Variants in CLSTN2 observed in about 807,000 individuals in gnomAD.
The protein encoded by CLSTN2 is calsyntenin 2.
Under a neutral mutation model 101.2 loss-of-function variants are expected in CLSTN2, and 48 were observed. The observed-to-expected ratio is 0.47, with a 90% confidence interval of 0.38 to 0.60. The LOEUF (loss-of-function observed/expected upper bound fraction) is 0.60, where lower values mean the gene tolerates loss of function less well. CLSTN2 is among the 20% of genes least tolerant of loss of function. The pLI is 0.00. For missense variants in CLSTN2, 1,160 were observed against 1,238.2 expected, an observed-to-expected ratio of 0.94 and a Z score of 0.95; for synonymous variants, 481 against 463.6, an observed-to-expected ratio of 1.04 and a Z score of -0.48.
At chr3:140,467,922 A>T (rs1933746450) in intron 8 of CLSTN2, among the ~76,000 whole-genome samples, 1 of 152,224 alleles carries the variant, frequency 6.6e-6, no homozygotes, top group South Asian at 2.1e-4. Context: ...TGTTCTCTAA[A>T]ACAAAGATTC....
chr3:140,528,706 T>C (rs1935194140), intron 8 of CLSTN2, among the ~76,000 whole-genome samples: 1 of 152,038 alleles, frequency 6.6e-6, no homozygotes, highest in Non-Finnish European at 1.5e-5. Context: ...TTACTTGCCA[T>C]CTATTCCTAA....
At chr3:140,214,361 G>A (rs1408414669) in intron 2 of CLSTN2, among the ~76,000 whole-genome samples, 1 of 151,982 alleles carries the variant, frequency 6.6e-6, no homozygotes, top group African/African-American at 2.4e-5. Flanking sequence ...GGCTGGGGCA[G>A]GAAAATCGCT....
chr3:140,143,370 A>G (rs1024493879), intron 1 of CLSTN2, among the ~76,000 whole-genome samples: 2 of 152,206 alleles, frequency 1.3e-5, no homozygotes, highest in African/African-American at 4.8e-5. Flanking sequence ...GTCTAAGGGC[A>G]GGAGAAGATG....
chr3:140,511,659 C>T (rs538090675), intron 8 of CLSTN2, among the ~76,000 whole-genome samples: 1 of 149,836 alleles, frequency 6.7e-6, no homozygotes, highest in East Asian at 2.0e-4. Context: ...ACGCAATTCT[C>T]CTGCCTCAGC....
At chr3:140,117,157 C>T (rs369480811) in intron 1 of CLSTN2, among the ~76,000 whole-genome samples, 1 of 152,152 alleles carries the variant, frequency 6.6e-6, no homozygotes, top group African/African-American at 2.4e-5. Context: ...TCCTCCTTCC[C>T]TCAGGGCAGT....
At chr3:140,431,192 A>G (rs751730314) in intron 5 of CLSTN2, among the ~76,000 whole-genome samples, 2 of 152,208 alleles carry the variant, frequency 1.3e-5, no homozygotes, top group Non-Finnish European at 2.9e-5. Flanking sequence ...TGATTGAACC[A>G]GGTATAGGGA....
At chr3:140,462,691 A>C (rs1559876856) in intron 7 of CLSTN2, 1 of 152,148 alleles carries the variant, frequency 6.6e-6, no homozygotes. Flanking sequence ...AAAACATCTC[A>C]GTAGGTAACA....
chr3:140,438,861 G>A (rs1258877580), intron 5 of CLSTN2, among the ~76,000 whole-genome samples: 1 of 152,164 alleles, frequency 6.6e-6, no homozygotes, highest in African/African-American at 2.4e-5. Context: ...TTCTGTTTGG[G>A]AGCTGAGAAG....
chr3:140,543,446 T>G (rs1008501065), intron 9 of CLSTN2, among the ~76,000 whole-genome samples: 1 of 152,208 alleles, frequency 6.6e-6, no homozygotes, highest in Non-Finnish European at 1.5e-5. Flanking sequence ...ACTGAGCACC[T>G]CAAAAGAAAC....
At chr3:140,260,423 C>T (rs1322326184) in intron 2 of CLSTN2, among the ~76,000 whole-genome samples, 1 of 151,632 alleles carries the variant, frequency 6.6e-6, no homozygotes, top group Admixed American at 6.6e-5. Flanking sequence ...TTCTAACAGC[C>T]CAACTGCTCC....
At position 140,241,603 on chromosome 3, in the gene CLSTN2, A is replaced by G. The variant is rs1207249969; in HGVS notation, c.232+65530A>G. Reference sequence around the variant, plus strand: ...GCACAAGTGACTTGACTATGTATTCATTTATTCATTCATTTAACACATTTT... The same window carrying G: ...GCACAAGTGACTTGACTATGTATTCGTTTATTCATTCATTTAACACATTTT... On this transcript the variant is annotated intron_variant, in intron 2 of 16. Coordinates refer to ENST00000458420, the MANE Select transcript of CLSTN2 (RefSeq NM_022131.3). Among the ~76,000 whole-genome samples the G allele has an allele frequency of 3.9e-5, 6 of 152,046 alleles. No individual in the cohort carries two copies. In the South Asian group the frequency reaches 1.0e-3, roughly 26 times the overall value.
At chr3:140,182,438 G>A (rs1287771098) in intron 2 of CLSTN2, among the ~76,000 whole-genome samples, 1 of 152,174 alleles carries the variant, frequency 6.6e-6, no homozygotes, top group African/African-American at 2.4e-5. Flanking sequence ...AGCGCCTTCA[G>A]GATCATGGGC....
At chr3:140,310,692 T>C (rs1205399253) in intron 2 of CLSTN2, among the ~76,000 whole-genome samples, 4 of 152,178 alleles carry the variant, frequency 2.6e-5, no homozygotes, top group African/African-American at 9.7e-5. Context: ...TCTAATTCAC[T>C]CCACTCTCCT....
intron 1 of CLSTN2, among the ~76,000 whole-genome samples, chr3:140,134,408 A>C (rs2882369): frequency 0.74 from 113,058 of 151,936 alleles, 43,990 homozygotes; most frequent in East Asian, 0.92. Context: ...TCCTCTCTAC[A>C]CATTAGGACT....
At chr3:140,240,293 CATATATATAT>C (rs1175836591) in intron 2 of CLSTN2, among the ~76,000 whole-genome samples, 16 of 11,340 alleles carry the variant, frequency 1.4e-3, no homozygotes, top group Non-Finnish European at 1.8e-3. Flanking sequence ...CATATATACA[CATATATATAT>C]ATACACACAC....
chr3:140,479,990 C>T (rs1034537338), intron 8 of CLSTN2, among the ~76,000 whole-genome samples: 4 of 151,846 alleles, frequency 2.6e-5, no homozygotes, highest in East Asian at 1.9e-4. Flanking sequence ...TTAGGGTACA[C>T]GTGCACAACG....
chr3:140,549,607 G>C (rs1935669119), intron 10 of CLSTN2, among the ~76,000 whole-genome samples: 1 of 150,528 alleles, frequency 6.6e-6, no homozygotes. Flanking sequence ...TAAGGGGACT[G>C]GGGCTCAGGG....
At chr3:140,252,385 C>T (rs905582983) in intron 2 of CLSTN2, among the ~76,000 whole-genome samples, 3 of 152,166 alleles carry the variant, frequency 2.0e-5, no homozygotes, top group African/African-American at 7.2e-5. Context: ...GTGTGGTCCA[C>T]AGACTAGCAG....
At position 140,340,439 on chromosome 3, in the gene CLSTN2, A is replaced by G. The variant is rs75090593; in HGVS notation, c.233-63190A>G. Reference sequence around the variant, plus strand: ...CTGTATACCCATAGAATGATTGTATATGCAAAGAGAGGGCTATAAACCATG... The same window carrying G: ...CTGTATACCCATAGAATGATTGTATGTGCAAAGAGAGGGCTATAAACCATG... On this transcript the variant is annotated intron_variant, in intron 2 of 16. Transcript: ENST00000458420. 2.3e-4 allele frequency among the ~76,000 whole-genome samples: 35 copies of G among 152,366 alleles called. 1 individual carries two copies. The East Asian group carries it at 6.4e-3, about 28-fold the overall frequency.
Sources: allele counts gnomAD v4.1 joint callset (sites outside exome capture counted in the v4.1 genomes callset), GRCh38; gene constraint gnomAD v4.1.1; transcripts MANE v1.5; gene names NCBI Gene and HGNC (gene_info 2026-07-23, HGNC 2026-07-21).